The following IL12RB2 variants were observed in gnomAD, a reference collection of about 807,000 sequenced individuals.
IL12RB2 encodes interleukin-12 receptor subunit beta-2.
IL12RB2 carries 82 observed loss-of-function variants against 89.4 expected under a neutral mutation model. The ratio of observed to expected loss-of-function variants is 0.92; its 90% confidence interval spans 0.77 to 1.10. IL12RB2 has a LOEUF of 1.10. Among genes scored for constraint, IL12RB2 ranks in the 50% least tolerant of loss-of-function variants. The probability of loss-of-function intolerance (pLI) is 0.00; values close to 1 mark genes in which losing one functional copy is unlikely to be tolerated. For synonymous variants in IL12RB2, 368 were observed against 370.1 expected (o/e 0.99, Z 0.07); for missense variants, 963 against 1,031.9 (o/e 0.93, Z 0.92).
intron 13 of IL12RB2, among the ~76,000 whole-genome samples, chr1:67,377,314 G>T (rs774791654): frequency 3.3e-5 from 5 of 152,174 alleles, no homozygotes; most frequent in Non-Finnish European, 5.9e-5. Context: ...TTGCCCTGGA[G>T]TTTGTGAGCC....
intron 11 of IL12RB2, among the ~76,000 whole-genome samples, chr1:67,370,521 G>A (rs1203339035): frequency 3.9e-5 from 6 of 152,136 alleles, no homozygotes; most frequent in African/African-American, 1.4e-4. Context: ...CACTTAACAG[G>A]TGAAATTAGC....
intron 9 of IL12RB2, among the ~76,000 whole-genome samples, chr1:67,344,652 A>G (rs1469476834): frequency 2.0e-5 from 3 of 152,194 alleles, no homozygotes; most frequent in Non-Finnish European, 4.4e-5. Context: ...CCATGTAATC[A>G]ATTTTTAAAA....
intron 10 of IL12RB2, among the ~76,000 whole-genome samples, chr1:67,356,104 CA>C (rs1297266437): frequency 2.6e-5 from 4 of 152,200 alleles, no homozygotes; most frequent in Non-Finnish European, 5.9e-5. Context: ...ACTGGGACAT[CA>C]AATACCAAGG....
intron 2 of IL12RB2, 73 bp from the exon 3 acceptor site, chr1:67,320,260 C>T: frequency 6.3e-7 from 1 of 1,598,420 alleles, no homozygotes; most frequent in Non-Finnish European, 8.5e-7. Flanking sequence ...GCACTTGAAG[C>T]TCTTCTGAGC....
Position 67,372,533 on chromosome 1 carries a change from A to C in IL12RB2, c.1557A>C (p.Lys519Asn), listed in dbSNP as rs199659099. 1 of 1,602,418 alleles carries C rather than the reference A, an allele frequency of 6.2e-7. No homozygotes were observed. Among genetic ancestry groups the C allele is most frequent in the Admixed American group, 1.7e-5 (1 of 60,016 alleles). The change falls in exon 12 of 17, where the codon AAA becomes AAC. Residue 519 changes from lysine to asparagine, a missense_variant and splice_region_variant. Lys to Asn is a moderately conservative substitution (Grantham distance 94). Coordinates refer to ENST00000674203, the MANE Select transcript of IL12RB2 (RefSeq NM_001374259.2). Reference sequence around the variant, plus strand: ...CCATCCTGGGTAACTCTAAGCACAAAGGTGAGTCTTGGGATCTTTTGCCAA... The same window carrying C: ...CCATCCTGGGTAACTCTAAGCACAACGGTGAGTCTTGGGATCTTTTGCCAA... ...CSSILGNSKH[K>N]APLSGPHINA...
chr1:67,319,074 C>T (rs947610350), intron 2 of IL12RB2, among the ~76,000 whole-genome samples: 1 of 152,202 alleles, frequency 6.6e-6, no homozygotes, highest in Admixed American at 6.5e-5. Context: ...AGTGCTTTGT[C>T]TCTAGCACTT....
intron 10 of IL12RB2, among the ~76,000 whole-genome samples, chr1:67,365,559 A>C (rs1210978621): frequency 6.6e-6 from 1 of 152,222 alleles, no homozygotes; most frequent in Non-Finnish European, 1.5e-5. Context: ...ACCAATAGTC[A>C]GACATTACAA....
chr1:67,389,929 C>T (rs1665621810), intron 15 of IL12RB2, 100 bp from the exon 16 acceptor site: 1 of 744,448 alleles, frequency 1.3e-6, no homozygotes, highest in Non-Finnish European at 2.4e-6. Context: ...TATTTGCATA[C>T]AAAAGCAGCC....
chr1:67,381,765 CAA>C (rs61066016), intron 14 of IL12RB2, among the ~76,000 whole-genome samples: 13 of 123,650 alleles, frequency 1.1e-4, no homozygotes, highest in Non-Finnish European at 1.3e-4. Flanking sequence ...GACTATGTTT[CAA>C]AAAAAAAAAA....
intron 16 of IL12RB2, among the ~76,000 whole-genome samples, chr1:67,394,338 C>T (rs967888934): frequency 6.6e-6 from 1 of 152,034 alleles, no homozygotes; most frequent in South Asian, 2.1e-4. Context: ...TGCAAAGAGA[C>T]CCCAATTAAA....
chr1:67,379,827 T>C, intron 13 of IL12RB2, 159 bp from the exon 14 acceptor site: 1 of 639,266 alleles, frequency 1.6e-6, no homozygotes, highest in Non-Finnish European at 2.8e-6. Context: ...CTAGGGCCTA[T>C]TAAGGTATTA....
Position 67,386,595 on chromosome 1 carries a change from G to T in IL12RB2, c.1872G>T (p.Met624Ile). 6.2e-7 allele frequency: 1 copy of T among 1,613,054 alleles called. No homozygotes were observed. Among genetic ancestry groups the T allele is most frequent in the Non-Finnish European group, 8.5e-7 (1 of 1,179,084 alleles). ...EFCLQGKANW[M>I]AFVAPSICIA... ...ACTTTTCAGGTAAAGCCAATTGGAT[G>T]GCGTTTGTGGCACCAAGCATTTGCA... Residue 624 changes from methionine to isoleucine, a missense_variant, in exon 15 of 17, where the codon ATG becomes ATT. Coordinates refer to ENST00000674203, the MANE Select transcript of IL12RB2 (RefSeq NM_001374259.2).
intron 15 of IL12RB2, among the ~76,000 whole-genome samples, chr1:67,388,456 CTG>C (rs1322291939): frequency 6.6e-6 from 1 of 152,274 alleles, no homozygotes; most frequent in Middle Eastern, 3.4e-3. Context: ...ATCGATTCTC[CTG>C]CCTCAGCCTC....
In IL12RB2 at chr1:67,330,812, T is replaced by G. The variant is rs1174293209; in HGVS notation, c.958+2T>G. On this transcript the variant is annotated splice_donor_variant, in intron 8 of 16. Coordinates refer to ENST00000674203, the MANE Select transcript of IL12RB2 (RefSeq NM_001374259.2). LOFTEE classifies it high-confidence loss of function. ...TGAGAGCACAAACACCAGAAGAAGGTATATGTCCAAAATATACATACCTAT... is the reference window on the plus strand; with the variant it reads ...TGAGAGCACAAACACCAGAAGAAGGGATATGTCCAAAATATACATACCTAT... 5.3e-6 allele frequency: 8 copies of G among 1,522,334 alleles called. No homozygotes were observed. The highest frequency in any genetic ancestry group is 1.7e-5 in the Admixed American group (1 of 59,874). The allele number at this position is 1,522,334 out of a possible 1,614,324, so 94.3% of individuals were successfully genotyped here.
intron 2 of IL12RB2, among the ~76,000 whole-genome samples, chr1:67,318,066 T>A (rs1656012684): frequency 6.6e-6 from 1 of 151,782 alleles, no homozygotes; most frequent in Admixed American, 6.6e-5. Context: ...ATCTAAAGGG[T>A]GTAAATATGT....
chr1:67,377,802 C>T (rs1341559019), intron 13 of IL12RB2, among the ~76,000 whole-genome samples: 1 of 151,562 alleles, frequency 6.6e-6, no homozygotes, highest in African/African-American at 2.4e-5. Flanking sequence ...TCAACCTCAA[C>T]CTCAAAGTTG....
chr1:67,334,567 C>G (rs1405720950), intron 8 of IL12RB2, among the ~76,000 whole-genome samples: 19 of 152,198 alleles, frequency 1.2e-4, no homozygotes. Context: ...CAAGCTCCGC[C>G]TCCCGGGTTC....
intron 9 of IL12RB2, among the ~76,000 whole-genome samples, chr1:67,342,761 C>CTTTTTTTTTTTTTTTTTTTTTTTT (rs71062413): frequency 7.3e-6 from 1 of 137,168 alleles, no homozygotes; most frequent in Admixed American, 7.3e-5. Flanking sequence ...AAAATCACAC[C>CTTTTTTTTTTTTTTTTTTTTTTTT]TTTTTTTTTT....
chr1:67,373,779 T>C (rs887724198), intron 13 of IL12RB2, among the ~76,000 whole-genome samples: 4 of 152,122 alleles, frequency 2.6e-5, no homozygotes, highest in South Asian at 2.1e-4. Context: ...GAAGGAACAT[T>C]TGTATTTCTT....
Sources: gnomAD v4.1 joint callset for allele counts (sites outside exome capture counted in the v4.1 genomes callset) on GRCh38, gnomAD v4.1.1 for gene constraint, MANE v1.5 for transcripts, NCBI Gene and HGNC (gene_info 2026-07-23, HGNC 2026-07-21) for gene names.